PLA2G12B: variants seen among roughly 807,000 people sequenced by gnomAD.
PLA2G12B encodes phospholipase A2 group XIIB.
Under a neutral mutation model 22.3 loss-of-function variants are expected in PLA2G12B, and 19 were observed. That is an observed-to-expected ratio of 0.85 (90% confidence interval 0.60 to 1.25). The LOEUF is 1.25. Among genes scored for constraint, PLA2G12B ranks in the 50% most tolerant of loss-of-function variants. The pLI is 0.00. For missense variants in PLA2G12B, 191 were observed against 246.6 expected (o/e 0.77, Z 1.51); for synonymous variants, 81 against 94.9 (o/e 0.85, Z 0.85).
intron 3 of PLA2G12B, among the ~76,000 whole-genome samples, chr10:72,940,269 A>G (rs1846338899): frequency 6.6e-6 from 1 of 152,106 alleles, no homozygotes; most frequent in Admixed American, 6.5e-5. Context: ...TTCAACTCTT[A>G]CCATCTAAAA....
intron 3 of PLA2G12B, among the ~76,000 whole-genome samples, chr10:72,939,554 T>C (rs187038897): frequency 1.6e-3 from 236 of 151,986 alleles, no homozygotes; most frequent in African/African-American, 5.5e-3. Flanking sequence ...TCTGAGCCCA[T>C]TGAGGCCTAT....
chr10:72,942,941 C>T (rs897782064), intron 1 of PLA2G12B, among the ~76,000 whole-genome samples: 2 of 151,638 alleles, frequency 1.3e-5, no homozygotes, highest in Non-Finnish European at 2.9e-5. Context: ...TGACTTTTTC[C>T]CCTAATCTCA....
At chr10:72,946,014 A>G (rs1053190158) in intron 1 of PLA2G12B, among the ~76,000 whole-genome samples, 2 of 152,174 alleles carry the variant, frequency 1.3e-5, no homozygotes, top group Admixed American at 6.5e-5. Flanking sequence ...TATAATTCAT[A>G]TATCATATAC....
chr10:72,944,461 T>TA, intron 1 of PLA2G12B, among the ~76,000 whole-genome samples: 1 of 152,318 alleles, frequency 6.6e-6, no homozygotes, highest in East Asian at 1.9e-4. Flanking sequence ...AGAATCAACT[T>TA]AGTAAATTCT....
chr10:72,954,332 T>G (rs1846581399), intron 1 of PLA2G12B, 143 bp downstream of exon 1: 4 of 920,168 alleles, frequency 4.3e-6, no homozygotes, highest in Non-Finnish European at 6.8e-6. Context: ...CACATTTCAC[T>G]GGGTGTCCTA....
intron 1 of PLA2G12B, among the ~76,000 whole-genome samples, chr10:72,947,816 G>C (rs528452316): frequency 6.6e-6 from 1 of 152,306 alleles, no homozygotes; most frequent in South Asian, 2.1e-4. Context: ...CAGGGTGCCA[G>C]TGCATTCTGT....
chr10:72,942,055 G>GGGT (rs1393177613), intron 2 of PLA2G12B, among the ~76,000 whole-genome samples: 1 of 151,992 alleles, frequency 6.6e-6, no homozygotes, highest in African/African-American at 2.4e-5. Flanking sequence ...AGGCCAAGGT[G>GGGT]GGTGGATCAC....
At chr10:72,936,635 C>T (rs1345899982) in intron 3 of PLA2G12B, among the ~76,000 whole-genome samples, 1 of 152,068 alleles carries the variant, frequency 6.6e-6, no homozygotes, top group Non-Finnish European at 1.5e-5. Flanking sequence ...CTAATGGCTA[C>T]AGGGTTTCTT....
At position 72,935,623 on chromosome 10, in the gene PLA2G12B, C is replaced by A. The variant is rs1429845836; in HGVS notation, c.582G>T (p.Glu194Asp). 1 of 1,613,984 alleles carries A rather than the reference C, an allele frequency of 6.2e-7. No individual in the cohort carries two copies. Among genetic ancestry groups the A allele is most frequent in the Non-Finnish European group, 8.5e-7 (1 of 1,179,944 alleles). ...GGAAGGAATCACTTCTTCCTCATAACTCTTCCTTCTCCTCCTCTGCACAGA... is the reference window on the plus strand; with the variant it reads ...GGAAGGAATCACTTCTTCCTCATAAATCTTCCTTCTCCTCCTCTGCACAGA... ...ACICAEEEKE[E>D]L The change falls in exon 4 of 4, where the codon GAG (glutamate) becomes GAT (aspartate). Residue 194 changes from glutamate (E) to aspartate (D), a missense_variant. By Grantham distance (45) the Glu-to-Asp change is conservative (BLOSUM62 2). Coordinates refer to ENST00000373032, the MANE Select transcript of PLA2G12B (RefSeq NM_032562.5).
At chr10:72,937,230 G>A (rs998731979) in intron 3 of PLA2G12B, among the ~76,000 whole-genome samples, 1 of 152,090 alleles carries the variant, frequency 6.6e-6, no homozygotes, top group Admixed American at 6.6e-5. Flanking sequence ...AAATAAAAAG[G>A]ATTATAAGGG....
At chr10:72,941,510 A>T (rs183427591) in intron 2 of PLA2G12B, among the ~76,000 whole-genome samples, 176 bp from the exon 3 acceptor site, 3 of 152,328 alleles carry the variant, frequency 2.0e-5, no homozygotes, top group Admixed American at 6.5e-5. Context: ...TCACAGGATT[A>T]CAAGTGTTCA....
At chr10:72,953,964 G>C (rs1564606264) in intron 1 of PLA2G12B, among the ~76,000 whole-genome samples, 1 of 152,266 alleles carries the variant, frequency 6.6e-6, no homozygotes, top group Admixed American at 6.5e-5. Context: ...GTGAACTGCA[G>C]CAGGGGGAAG....
chr10:72,937,176 C>T (rs776649781), intron 3 of PLA2G12B, among the ~76,000 whole-genome samples: 5 of 152,132 alleles, frequency 3.3e-5, no homozygotes, highest in Admixed American at 6.5e-5. Flanking sequence ...CACCACTGCA[C>T]TCCAGCCTGG....
chr10:72,949,067 C>T (rs1846486368), intron 1 of PLA2G12B, among the ~76,000 whole-genome samples: 2 of 152,138 alleles, frequency 1.3e-5, no homozygotes, highest in African/African-American at 2.4e-5. Flanking sequence ...GCTGGTTCCC[C>T]CAAAGGTGCT....
rs562470180 is a variant in PLA2G12B at position 72,954,617 on chromosome 10, C to G, written c.69G>C (p.Thr23=). The change falls in exon 1 of 4, where the codon ACG becomes ACC. Residue 23 remains threonine, a synonymous_variant. Transcript: ENST00000373032. ...SLGGGLAQSD[T]SPDTEESYSD... Reference sequence around the variant, plus strand: ...AATAGGACTCCTCCGTGTCAGGGCTCGTGTCGCTCTGAGCCAGGCCACCCC... The same window carrying G: ...AATAGGACTCCTCCGTGTCAGGGCTGGTGTCGCTCTGAGCCAGGCCACCCC... 1.2e-6 allele frequency: 2 copies of G among 1,614,152 alleles called. No individual in the cohort carries two copies. The highest frequency in any genetic ancestry group is 1.7e-5 in the Admixed American group (1 of 60,014).
At chr10:72,947,485 C>G (rs182427178) in intron 1 of PLA2G12B, among the ~76,000 whole-genome samples, 7 of 152,314 alleles carry the variant, frequency 4.6e-5, no homozygotes, top group Admixed American at 4.6e-4. Flanking sequence ...AGCTATCCAT[C>G]CATCTCGGCC....
At chr10:72,939,291 AG>A (rs1449115301) in intron 3 of PLA2G12B, among the ~76,000 whole-genome samples, 1 of 152,256 alleles carries the variant, frequency 6.6e-6, no homozygotes, top group Non-Finnish European at 1.5e-5. Flanking sequence ...CGTTTCACAC[AG>A]GGGCAGAAAG....
intron 1 of PLA2G12B, among the ~76,000 whole-genome samples, chr10:72,943,949 C>T (rs999280944): frequency 6.6e-6 from 1 of 152,078 alleles, no homozygotes; most frequent in Admixed American, 6.6e-5. Flanking sequence ...AGGCATATGA[C>T]AGTTTCTTTC....
At chr10:72,953,174 T>C (rs1261480867) in intron 1 of PLA2G12B, among the ~76,000 whole-genome samples, 3 of 152,358 alleles carry the variant, frequency 2.0e-5, no homozygotes, top group East Asian at 1.9e-4. Flanking sequence ...CATTTTTCTC[T>C]GTGAAACTTT....
Sources: allele counts gnomAD v4.1 joint callset (sites outside exome capture counted in the v4.1 genomes callset), GRCh38; gene constraint gnomAD v4.1.1; transcripts MANE v1.5; gene names NCBI Gene and HGNC (gene_info 2026-07-23, HGNC 2026-07-21).